The following TVP23C variants were observed in gnomAD, a reference collection of about 807,000 sequenced individuals.
TVP23C encodes the protein trans-golgi network vesicle protein 23 homolog C.
A neutral mutation model predicts 28.7 loss-of-function variants in TVP23C; 19 were observed. The ratio of observed to expected loss-of-function variants is 0.66; its 90% CI spans 0.46 to 0.97. The LOEUF is 0.97. TVP23C is among the 50% of genes least tolerant of loss of function. The pLI, the probability that TVP23C is intolerant of heterozygous loss-of-function variation, is 0.00. For missense variants in TVP23C, 186 were observed against 241.3 expected (o/e 0.77, Z 1.52); for synonymous variants, 68 against 81.7 (o/e 0.83, Z 0.90).
chr17:15,512,961 T>C (rs1480778650), intron 5 of TVP23C, among the ~76,000 whole-genome samples: 2 of 152,242 alleles, frequency 1.3e-5, no homozygotes, highest in Non-Finnish European at 2.9e-5. Flanking sequence ...CTCTCCTCCC[T>C]GGGCTTTAAT....
chr17:15,512,107 C>CT (rs1361561300), intron 5 of TVP23C, among the ~76,000 whole-genome samples: 1 of 152,178 alleles, frequency 6.6e-6, no homozygotes, highest in Non-Finnish European at 1.5e-5. Context: ...GTGAAGGCTG[C>CT]TTGTCCTGGG....
chr17:15,548,963 T>C (rs1409642884), intron 3 of TVP23C, among the ~76,000 whole-genome samples: 2 of 152,242 alleles, frequency 1.3e-5, no homozygotes, highest in African/African-American at 2.4e-5. Context: ...CTGTTTAGCG[T>C]AGCATATAGC....
rs898781412 is a variant in TVP23C at position 15,539,377 on chromosome 17, G to A, written c.*1035C>T. ...AATCCCAGCACTTTGGGAGGCGGAG[G>A]CAGGCGGATCACGAGGTCAGGAGAT... On this transcript the variant is annotated 3_prime_UTR_variant, in exon 6 of 6. Coordinates refer to ENST00000518321, the MANE Select transcript of TVP23C (RefSeq NM_001135036.2). 4 of 859,164 alleles carry A rather than the reference G, an allele frequency of 4.7e-6. No individual in the cohort carries two copies. The highest frequency in any genetic ancestry group is 5.6e-6 in the Non-Finnish European group (4 of 715,070). 53.2% of individuals were successfully genotyped at this position (859,164 alleles called of 1,614,324 possible).
chr17:15,533,858 A>G (rs1014695837), downstream of TVP23C, among the ~76,000 whole-genome samples: 1 of 152,226 alleles, frequency 6.6e-6, no homozygotes, highest in African/African-American at 2.4e-5. Flanking sequence ...TAGGAGGAAG[A>G]AGGAACAGAG....
rs574035046 is a variant in TVP23C, at chr17:15,530,249, A to C, written c.462+15536T>G. Among the ~76,000 whole-genome samples the C allele has an allele frequency of 5.3e-5, 8 of 152,174 alleles. No homozygotes were observed. In the South Asian group the frequency reaches 1.7e-3, roughly 32 times the overall value. On this transcript the variant is annotated intron_variant, in intron 5 of 5. Coordinates refer to the TVP23C transcript ENST00000225576. ...TTCTCCACTACTGCCTTTTGTATTA[A>C]ATAGGTATTTTCTAGTATATCATTT...
intron 5 of TVP23C, among the ~76,000 whole-genome samples, chr17:15,505,271 T>C (rs1172459126): frequency 6.6e-6 from 1 of 152,184 alleles, no homozygotes; most frequent in East Asian, 1.9e-4. Flanking sequence ...CATGGAAATC[T>C]TTGATCCAAG....
rs1326983401 is a variant in TVP23C at position 15,539,563 on chromosome 17, A to G, written c.*849T>C. On this transcript the variant is annotated 3_prime_UTR_variant, in exon 6 of 6. Transcript: ENST00000518321. ...GCTTGCAGTAAGCCGAGATCACGCCACTGCACTCCAGCCTGGGCGACAGAG... is the reference window on the plus strand; with the variant it reads ...GCTTGCAGTAAGCCGAGATCACGCCGCTGCACTCCAGCCTGGGCGACAGAG... 6 of 844,066 alleles carry G rather than the reference A, an allele frequency of 7.1e-6. No individual in the cohort carries two copies. The highest frequency in any genetic ancestry group is 1.9e-5 in the African/African-American group (1 of 53,922). The allele number at this position is 844,066 out of a possible 1,614,324, so 52.3% of individuals were successfully genotyped here.
At position 15,538,950 on chromosome 17, in the gene TVP23C, GA is replaced by G; in HGVS notation, c.*1461del. The G allele has an allele frequency of 1.0e-6, 1 of 985,808 alleles. No homozygotes were observed. Among genetic ancestry groups the G allele is most frequent in the South Asian group, 4.7e-5 (1 of 21,278 alleles). The allele number at this position is 985,808 out of a possible 1,614,324, so 61.1% of individuals were successfully genotyped here. On this transcript the variant is annotated 3_prime_UTR_variant, in exon 6 of 6. Transcript: ENST00000518321. ...TCTCTACTTTTCATCTTCTGTGAGA[GA>G]AACTGTACAGTAGAATAAAAAGAAC...
intron 5 of TVP23C, among the ~76,000 whole-genome samples, chr17:15,513,618 AT>A (rs1982094913): frequency 6.6e-6 from 1 of 152,178 alleles, no homozygotes; most frequent in East Asian, 1.9e-4. Context: ...CAGTTTGAGG[AT>A]TCTCTTTCAC....
chr17:15,529,955 C>T (rs557531867), intron 5 of TVP23C, among the ~76,000 whole-genome samples: 1 of 152,156 alleles, frequency 6.6e-6, no homozygotes, highest in South Asian at 2.1e-4. Context: ...CCCACCACCA[C>T]ACCCAGCTAA....
chr17:15,548,447 A>G (rs1028636021), intron 3 of TVP23C, among the ~76,000 whole-genome samples: 16 of 152,168 alleles, frequency 1.1e-4, no homozygotes, highest in South Asian at 2.1e-4. Context: ...TTACAGGTGT[A>G]AGCCACCACG....
At chr17:15,551,436 T>C (rs951160481) in intron 3 of TVP23C, among the ~76,000 whole-genome samples, 41 of 152,222 alleles carry the variant, frequency 2.7e-4, no homozygotes, top group Non-Finnish European at 5.4e-4. Flanking sequence ...AAAGCCATTA[T>C]TTAACCTTTT....
At chr17:15,502,968 G>A (rs1031253106) in exon 6 of TVP23C, 1 of 1,614,160 alleles carries the variant, frequency 6.2e-7, no homozygotes, top group Non-Finnish European at 8.5e-7. Flanking sequence ...CGCAAGGAGA[G>A]AAATAGGCGG....
chr17:15,513,595 C>G (rs1982093651), intron 5 of TVP23C, among the ~76,000 whole-genome samples: 1 of 152,200 alleles, frequency 6.6e-6, no homozygotes, highest in African/African-American at 2.4e-5. Context: ...AATGCTTTCT[C>G]TTTTCTTTCT....
chr17:15,525,955 C>G (rs1982706366), intron 5 of TVP23C, among the ~76,000 whole-genome samples: 1 of 152,168 alleles, frequency 6.6e-6, no homozygotes, highest in South Asian at 2.1e-4. Context: ...TGCAAAGAGT[C>G]AAAGAGATTA....
At chr17:15,521,247 G>T (rs556780644) in intron 5 of TVP23C, among the ~76,000 whole-genome samples, 2 of 152,294 alleles carry the variant, frequency 1.3e-5, no homozygotes, top group East Asian at 3.9e-4. Context: ...GCTCACACCT[G>T]TAATCCCAGC....
chr17:15,533,444 T>C (rs1426746369), downstream of TVP23C, among the ~76,000 whole-genome samples: 5 of 152,246 alleles, frequency 3.3e-5, no homozygotes, highest in Non-Finnish European at 5.9e-5. Context: ...TAGAAAACTC[T>C]TGGTTACGTA....
chr17:15,538,067 T>A lies in TVP23C; in HGVS notation c.*2345A>T. On this transcript the variant is annotated 3_prime_UTR_variant, in exon 6 of 6. Coordinates refer to ENST00000518321, the MANE Select transcript of TVP23C (RefSeq NM_001135036.2). The stretch of plus-strand genomic sequence containing the variant: ...GCAACATGGACTAAGCTCTAAAAGG[T>A]TGAGTCAAGAATCTCTTCAGTTGTT... The A allele has an allele frequency of 2.5e-6, 4 of 1,606,560 alleles. No individual in the cohort carries two copies. Among genetic ancestry groups the A allele is most frequent in the Non-Finnish European group, 3.4e-6 (4 of 1,177,162 alleles).
intron 5 of TVP23C, among the ~76,000 whole-genome samples, chr17:15,542,428 C>T (rs1040549869): frequency 1.3e-5 from 2 of 152,064 alleles, no homozygotes; most frequent in African/African-American, 2.4e-5. Flanking sequence ...AGCCCATTCC[C>T]GTCCTGTGGT....
Sources: allele counts gnomAD v4.1 joint callset (sites outside exome capture counted in the v4.1 genomes callset), GRCh38; gene constraint gnomAD v4.1.1; transcripts MANE v1.5; gene names NCBI Gene and HGNC (gene_info 2026-07-23, HGNC 2026-07-21).